MGAT4C: variants seen among roughly 807,000 people sequenced by gnomAD.
The protein encoded by MGAT4C is alpha-1,3-mannosyl-glycoprotein 4-beta-N-acetylglucosaminyltransferase C.
In MGAT4C, 19 loss-of-function variants were observed where a neutral mutation model predicts 40.1. That is an observed-to-expected ratio of 0.47 (90% CI 0.33 to 0.70). MGAT4C has a LOEUF of 0.70. Ranked by LOEUF, MGAT4C falls within the 30% of genes least tolerant of loss-of-function variation. MGAT4C has a pLI of 0.02. For missense variants in MGAT4C, 491 were observed against 563.2 expected (o/e 0.87, Z 1.30); for synonymous variants, 181 against 187.1 (o/e 0.97, Z 0.27).
Position 85,979,552 on chromosome 12 carries a change from T to A in MGAT4C, c.1174A>T (p.Ile392Phe). The A allele has an allele frequency of 6.2e-7, 1 of 1,608,200 alleles. No individual in the cohort carries two copies. Among genetic ancestry groups the A allele is most frequent in the Non-Finnish European group, 8.5e-7 (1 of 1,177,262 alleles). The change falls in exon 5 of 5, where the codon ATT becomes TTT. Residue 392 changes from isoleucine to phenylalanine, a missense_variant. Transcript: ENST00000611864. ...TCTTCTGTTCCAGTATTTACTTTAATTTTTTTTATTATAATTGGATTTTCA... is the reference window on the plus strand; with the variant it reads ...TCTTCTGTTCCAGTATTTACTTTAAATTTTTTTATTATAATTGGATTTTCA... Reference protein sequence around the residue: ...VFENPIIIKKIKVNTGTEDRQ... With the variant: ...VFENPIIIKKFKVNTGTEDRQ...
intron 2 of MGAT4C, among the ~76,000 whole-genome samples, chr12:86,598,952 A>G (rs1467509548): frequency 6.6e-6 from 1 of 152,172 alleles, no homozygotes; most frequent in African/African-American, 2.4e-5. Context: ...GTAAATAAAT[A>G]CTGAAGCTAA....
intron 2 of MGAT4C, among the ~76,000 whole-genome samples, chr12:86,487,228 A>T (rs1958035453): frequency 6.6e-6 from 1 of 152,208 alleles, no homozygotes; most frequent in Admixed American, 6.5e-5. Context: ...GAGCCAGAAC[A>T]TTCCTACTCC....
chr12:86,440,078 C>T (rs571039399), intron 2 of MGAT4C, among the ~76,000 whole-genome samples: 1 of 152,014 alleles, frequency 6.6e-6, no homozygotes, highest in Non-Finnish European at 1.5e-5. Context: ...CCTACAGAAA[C>T]GATTTCAAAT....
chr12:86,562,790 T>A (rs1959931795), intron 2 of MGAT4C, among the ~76,000 whole-genome samples: 2 of 152,056 alleles, frequency 1.3e-5, no homozygotes, highest in Admixed American at 1.3e-4. Flanking sequence ...GAATGGATAT[T>A]AAGGGTGTGG....
At chr12:85,996,258 ATAATTT>A (rs2136751360) in intron 2 of MGAT4C, among the ~76,000 whole-genome samples, 1 of 152,346 alleles carries the variant, frequency 6.6e-6, no homozygotes, top group African/African-American at 2.4e-5. Context: ...AAGAACAATG[ATAATTT>A]TAAGGAGAGA....
chr12:86,785,720 G>A (rs1374410582), intron 1 of MGAT4C, among the ~76,000 whole-genome samples: 2 of 151,482 alleles, frequency 1.3e-5, no homozygotes, highest in East Asian at 1.9e-4. Context: ...ATATAATTTT[G>A]TATAACATTG....
chr12:85,990,309 T>A (rs1885746312), intron 2 of MGAT4C, among the ~76,000 whole-genome samples: 2 of 152,156 alleles, frequency 1.3e-5, no homozygotes, highest in African/African-American at 4.8e-5. Flanking sequence ...TTTCTGATAT[T>A]TTCCAACCAA....
chr12:86,759,806 T>G (rs1593179759), intron 1 of MGAT4C, among the ~76,000 whole-genome samples: 1 of 152,238 alleles, frequency 6.6e-6, no homozygotes, highest in South Asian at 2.1e-4. Context: ...AATGTAGAGT[T>G]TGCAAATAAA....
chr12:86,554,956 T>C (rs1959538372), intron 2 of MGAT4C, among the ~76,000 whole-genome samples: 1 of 152,132 alleles, frequency 6.6e-6, no homozygotes, highest in Non-Finnish European at 1.5e-5. Context: ...ATTCCTTAGC[T>C]TATGGCCCCC....
At chr12:86,115,195 A>G (rs2135661651) in intron 1 of MGAT4C, among the ~76,000 whole-genome samples, 1 of 152,176 alleles carries the variant, frequency 6.6e-6, no homozygotes, top group East Asian at 1.9e-4. Flanking sequence ...TTGTTAATGA[A>G]TATATTTAAA....
intron 2 of MGAT4C, among the ~76,000 whole-genome samples, chr12:86,512,848 T>C (rs1592938774): frequency 6.6e-6 from 1 of 152,092 alleles, no homozygotes; most frequent in African/African-American, 2.4e-5. Context: ...AGTTCAAAGA[T>C]TTGCTGTATT....
intron 2 of MGAT4C, among the ~76,000 whole-genome samples, chr12:86,444,380 C>G (rs1420904277): frequency 6.6e-6 from 1 of 152,106 alleles, no homozygotes; most frequent in Non-Finnish European, 1.5e-5. Context: ...TCTTCTCAAT[C>G]TATACTTTCC....
At chr12:86,233,893 G>A (rs1021559862) in intron 1 of MGAT4C, among the ~76,000 whole-genome samples, 1 of 151,974 alleles carries the variant, frequency 6.6e-6, no homozygotes, top group Admixed American at 6.6e-5. Context: ...ATTCTATTAT[G>A]ACTTGAAAAG....
intron 2 of MGAT4C, among the ~76,000 whole-genome samples, chr12:86,479,925 T>A (rs1054208172): frequency 6.6e-6 from 1 of 151,872 alleles, no homozygotes; most frequent in African/African-American, 2.4e-5. Context: ...AATGCCTTTT[T>A]AATACTTATT....
At chr12:86,501,214 T>C (rs1344303221) in intron 2 of MGAT4C, among the ~76,000 whole-genome samples, 1 of 152,154 alleles carries the variant, frequency 6.6e-6, no homozygotes, top group East Asian at 1.9e-4. Context: ...GGAAAAAATA[T>C]ATTAAAAAGA....
intron 1 of MGAT4C, among the ~76,000 whole-genome samples, chr12:86,212,753 G>A (rs1175021321): frequency 3.8e-5 from 5 of 132,168 alleles, no homozygotes; most frequent in Admixed American, 7.7e-5. Context: ...TTAGCCGGGC[G>A]TAGTGGCGGT....
intron 2 of MGAT4C, among the ~76,000 whole-genome samples, chr12:86,665,790 G>T (rs1964091201): frequency 6.6e-6 from 1 of 152,168 alleles, no homozygotes; most frequent in African/African-American, 2.4e-5. Flanking sequence ...GTGTCAAAAA[G>T]AGTAATGTTA....
intron 1 of MGAT4C, among the ~76,000 whole-genome samples, chr12:86,760,042 G>T (rs1951373999): frequency 6.6e-6 from 1 of 152,036 alleles, no homozygotes; most frequent in South Asian, 2.1e-4. Flanking sequence ...AAGTCATAAT[G>T]ATGAAAACAG....
intron 2 of MGAT4C, among the ~76,000 whole-genome samples, chr12:86,471,239 T>A (rs918573564): frequency 6.6e-6 from 1 of 151,998 alleles, no homozygotes; most frequent in African/African-American, 2.4e-5. Context: ...TTTTCTACTT[T>A]TAGTTTTTAA....
Sources: gnomAD v4.1 joint callset for allele counts (sites outside exome capture counted in the v4.1 genomes callset) on GRCh38, gnomAD v4.1.1 for gene constraint, MANE v1.5 for transcripts, NCBI Gene and HGNC (gene_info 2026-07-23, HGNC 2026-07-21) for gene names.